Variants in DNAH8 observed in about 807,000 individuals in gnomAD.
The protein encoded by DNAH8 is dynein axonemal heavy chain 8.
In DNAH8, 382 loss-of-function variants were observed where a neutral mutation model predicts 562.1. That is an observed-to-expected ratio of 0.68 (90% CI 0.63 to 0.74). DNAH8 has a LOEUF of 0.74. DNAH8 is among the 30% of genes least tolerant of loss of function. The pLI, the probability that DNAH8 is intolerant of heterozygous loss-of-function variation, is 0.00. For synonymous variants in DNAH8, 1,881 were observed against 1,919.4 expected (o/e 0.98, Z 0.52); for missense variants, 5,203 against 5,620.4 (o/e 0.93, Z 2.37).
intron 81 of DNAH8, among the ~76,000 whole-genome samples, chr6:38,950,187 TGC>T (rs1554143226): frequency 1.3e-5 from 1 of 79,586 alleles, no homozygotes; most frequent in Non-Finnish European, 2.4e-5. Context: ...TGTGTGTGTC[TGC>T]GTGTGTGTGT....
At chr6:38,791,330 C>A (rs1045169559) in intron 20 of DNAH8, among the ~76,000 whole-genome samples, 6 of 152,142 alleles carry the variant, frequency 3.9e-5, no homozygotes, top group Non-Finnish European at 5.9e-5. Flanking sequence ...GGAGATAACA[C>A]AAATAAGGTT....
chr6:38,759,342 C>CA (rs1229694815), intron 10 of DNAH8, among the ~76,000 whole-genome samples: 9 of 151,328 alleles, frequency 5.9e-5, no homozygotes, highest in Admixed American at 5.3e-4. Context: ...AACAAACAAA[C>CA]CACCACCAAC....
intron 26 of DNAH8, among the ~76,000 whole-genome samples, chr6:38,817,653 A>T (rs2150325240): frequency 1.3e-5 from 2 of 152,270 alleles, no homozygotes; most frequent in South Asian, 4.1e-4. Flanking sequence ...CAAGTAGTAT[A>T]CCTTTTTTAT....
chr6:38,847,256 C>T (rs1053416272), intron 36 of DNAH8, among the ~76,000 whole-genome samples: 1 of 152,024 alleles, frequency 6.6e-6, no homozygotes. Flanking sequence ...ACTAGCTATG[C>T]TCGATTTTAT....
intron 48 of DNAH8, among the ~76,000 whole-genome samples, chr6:38,869,236 T>C (rs1338381958): frequency 2.0e-5 from 3 of 152,178 alleles, no homozygotes; most frequent in African/African-American, 4.8e-5. Flanking sequence ...ACTTCACTTA[T>C]TGGGGAATGG....
chr6:38,741,213 G>A (rs748735212), intron 7 of DNAH8, among the ~76,000 whole-genome samples: 4 of 151,936 alleles, frequency 2.6e-5, no homozygotes, highest in Non-Finnish European at 5.9e-5. Context: ...GAGACCAGCT[G>A]GGCAACATAG....
At chr6:38,893,971 A>G (rs150896171) in intron 58 of DNAH8, among the ~76,000 whole-genome samples, 10 of 152,314 alleles carry the variant, frequency 6.6e-5, no homozygotes, top group Non-Finnish European at 1.2e-4. Context: ...CTCTCTGGGT[A>G]AGAATGTGGT....
rs747587475 is a variant in DNAH8, at chr6:39,030,184, C to T, written c.13916C>T (p.Pro4639Leu). 6 of 1,614,014 alleles carry T rather than the reference C, an allele frequency of 3.7e-6. No homozygotes were observed. In the Admixed American group the frequency reaches 1.0e-4, roughly 27 times the overall value. Residue 4639 changes from proline to leucine, a missense_variant, in exon 93 of 93, where the codon CCC (proline) becomes CTC (leucine). Around this residue, in one of 6 missense-constraint regions of DNAH8, gnomAD observed 1,399 missense variants for 1,518.4 expected, o/e 0.92. Transcript: ENST00000327475. Reference sequence around the variant, plus strand: ...AATGGGAAGCTCATGGAATCCACCCCCAAGGTACTCTTCACGCAGTTACCC... The same window carrying T: ...AATGGGAAGCTCATGGAATCCACCCTCAAGGTACTCTTCACGCAGTTACCC... ...RRNGKLMEST[P>L]KVLFTQLPVL... is the part of the protein sequence containing the mutation.
At chr6:38,888,002 A>G (rs1026083850) in intron 57 of DNAH8, among the ~76,000 whole-genome samples, 1 of 151,742 alleles carries the variant, frequency 6.6e-6, no homozygotes, top group Non-Finnish European at 1.5e-5. Flanking sequence ...ACACCCGGCT[A>G]ATTTTTTTGT....
chr6:38,786,957 G>C lies in DNAH8; in HGVS notation c.2583+5G>C, dbSNP rs1467286888. On this transcript the variant is annotated splice_donor_5th_base_variant and intron_variant, in intron 18 of 92. Transcript: ENST00000327475. ...GCAGACAAACTGTATTTGCAGGTAA[G>C]ATAGATTATGTTTTCTAATTATTTT... is the stretch of plus-strand genomic sequence containing the variant. 3.9e-5 allele frequency: 62 copies of C among 1,571,316 alleles called. No individual in the cohort carries two copies. Among genetic ancestry groups the C allele is most frequent in the Non-Finnish European group, 5.1e-5 (59 of 1,160,964 alleles).
intron 82 of DNAH8, among the ~76,000 whole-genome samples, chr6:38,966,027 A>G (rs953055091): frequency 1.3e-5 from 2 of 152,212 alleles, no homozygotes; most frequent in Admixed American, 6.5e-5. Context: ...AAAAAAAGCC[A>G]GATAATAGAA....
chr6:38,938,830 T>A lies in DNAH8; in HGVS notation c.11849T>A (p.Ile3950Asn). Residue 3950 changes from isoleucine to asparagine, a missense_variant, in exon 79 of 93, where the codon ATT becomes AAT. Around this residue, in one of 6 missense-constraint regions of DNAH8, gnomAD observed 1,399 missense variants for 1,518.4 expected, o/e 0.92. Transcript: ENST00000327475. ...AAGTCACCACTACCTCAAAAGAGAA[T>A]TACAAATATTATCGAGTACCTGACA... ...SEKSPLPQKR[I>N]TNIIEYLTYE... is the part of the protein sequence containing the mutation. 1.2e-6 allele frequency: 2 copies of A among 1,611,692 alleles called. No individual in the cohort carries two copies. The highest frequency in any genetic ancestry group is 2.2e-5 in the South Asian group (2 of 90,708).
intron 5 of DNAH8, among the ~76,000 whole-genome samples, 196 bp from the exon 6 acceptor site, chr6:38,736,871 T>C (rs1288836723): frequency 6.6e-6 from 1 of 152,122 alleles, no homozygotes; most frequent in Admixed American, 6.5e-5. Context: ...TGAGCAAATA[T>C]GGGAATAATT....
intron 8 of DNAH8, among the ~76,000 whole-genome samples, chr6:38,742,330 G>A (rs374526897): frequency 6.6e-6 from 1 of 151,874 alleles, no homozygotes; most frequent in Non-Finnish European, 1.5e-5. Flanking sequence ...ACAGGGTCTC[G>A]TTCTGTCACT....
chr6:38,940,350 G>C (rs1406030342), intron 79 of DNAH8, among the ~76,000 whole-genome samples: 1 of 152,194 alleles, frequency 6.6e-6, no homozygotes, highest in African/African-American at 2.4e-5. Context: ...CCTATGCAGA[G>C]ATTTCTGGTC....
chr6:39,013,852 AAAAGAGAGAGAGAGAGAG>A (rs938217899), intron 91 of DNAH8, among the ~76,000 whole-genome samples: 9 of 148,292 alleles, frequency 6.1e-5, no homozygotes, highest in Non-Finnish European at 9.0e-5. Context: ...CCCTATCTAA[AAAAGAGAGAGAGAGAGAG>A]AAAGAGAGAG....
intron 64 of DNAH8, among the ~76,000 whole-genome samples, chr6:38,908,974 T>C (rs1282063673): frequency 6.6e-6 from 1 of 152,170 alleles, no homozygotes; most frequent in Non-Finnish European, 1.5e-5. Context: ...CTAGGGAGTC[T>C]CACTAATTTA....
intron 91 of DNAH8, among the ~76,000 whole-genome samples, chr6:39,020,474 C>G (rs1025868295): frequency 2.0e-5 from 3 of 152,184 alleles, no homozygotes; most frequent in African/African-American, 7.2e-5. Flanking sequence ...ATCAGAATCT[C>G]TAGGGATGAG....
chr6:38,999,551 T>G (rs940160063), intron 88 of DNAH8, among the ~76,000 whole-genome samples: 13 of 152,064 alleles, frequency 8.5e-5, no homozygotes, highest in Non-Finnish European at 1.3e-4. Context: ...CACTCTCAAA[T>G]TATATCTTTC....
Sources: allele counts gnomAD v4.1 joint callset (sites outside exome capture counted in the v4.1 genomes callset), GRCh38; gene constraint gnomAD v4.1.1; regional missense constraint gnomAD v4.1.1; transcripts MANE v1.5; gene names NCBI Gene and HGNC (gene_info 2026-07-23, HGNC 2026-07-21).